Variants in NCMAP observed in about 807,000 individuals in gnomAD.
NCMAP encodes the protein noncompact myelin-associated protein.
A neutral mutation model predicts 7.8 loss-of-function variants in NCMAP; 8 were observed. The observed-to-expected ratio is 1.02, with a 90% CI of 0.60 to 1.84. The LOEUF is 1.84. NCMAP is among the 40% of genes most tolerant of loss of function. The probability of loss-of-function intolerance (pLI) is 0.00; values close to 1 mark genes in which losing one functional copy is unlikely to be tolerated. For synonymous variants in NCMAP, 41 were observed against 52.9 expected (o/e 0.78, Z 0.98); for missense variants, 112 against 131.4 (o/e 0.85, Z 0.72).
intron 2 of NCMAP, among the ~76,000 whole-genome samples, chr1:24,596,908 C>A (rs1652249839): frequency 6.6e-6 from 1 of 151,998 alleles, no homozygotes; most frequent in Non-Finnish European, 1.5e-5. Flanking sequence ...TGTGTGTCAG[C>A]CATTTCAGCT....
intron 1 of NCMAP, among the ~76,000 whole-genome samples, chr1:24,558,776 G>A (rs1557590534): frequency 6.6e-6 from 1 of 152,168 alleles, no homozygotes; most frequent in Non-Finnish European, 1.5e-5. Context: ...TAGAGTTGGG[G>A]AAGACCATTT....
At chr1:24,577,415 T>TTTTTTG (rs1651613411) in intron 1 of NCMAP, among the ~76,000 whole-genome samples, 5 of 145,710 alleles carry the variant, frequency 3.4e-5, no homozygotes, top group African/African-American at 1.3e-4. Context: ...TTTTTTTTTT[T>TTTTTTG]TTTTTTTTTT....
chr1:24,569,666 C>T (rs963921872), intron 1 of NCMAP, among the ~76,000 whole-genome samples: 3 of 150,650 alleles, frequency 2.0e-5, no homozygotes, highest in Admixed American at 6.6e-5. Flanking sequence ...GCCTCAGTTT[C>T]TCTACCTGTA....
intron 1 of NCMAP, among the ~76,000 whole-genome samples, chr1:24,565,742 T>G (rs1651211116): frequency 6.6e-6 from 1 of 151,740 alleles, no homozygotes; most frequent in Admixed American, 6.6e-5. Flanking sequence ...AGACTACAGG[T>G]GCACACCATC....
chr1:24,582,834 A>G (rs754817067), intron 1 of NCMAP, among the ~76,000 whole-genome samples: 5 of 152,246 alleles, frequency 3.3e-5, no homozygotes, highest in Non-Finnish European at 4.4e-5. Context: ...TTTGCCATGT[A>G]TCAGCACAGA....
chr1:24,565,615 T>TGTGTGTGTGTGTGTGTGTGTG (rs1651207604), intron 1 of NCMAP, among the ~76,000 whole-genome samples: 1 of 141,154 alleles, frequency 7.1e-6, no homozygotes, highest in African/African-American at 2.6e-5. Flanking sequence ...TGTGTGTGTG[T>TGTGTGTGTGTGTGTGTGTGTG]TTTGAGACAG....
chr1:24,566,120 C>A (rs1004253276), intron 1 of NCMAP, among the ~76,000 whole-genome samples: 7 of 152,208 alleles, frequency 4.6e-5, no homozygotes, highest in African/African-American at 7.2e-5. Context: ...GTCAGTTAAA[C>A]CTCTTTCCTT....
At chr1:24,589,197 A>T (rs1308668771) in intron 1 of NCMAP, among the ~76,000 whole-genome samples, 1 of 152,046 alleles carries the variant, frequency 6.6e-6, no homozygotes, top group East Asian at 1.9e-4. Flanking sequence ...GCGCATTATT[A>T]TTATTATTAA....
intron 1 of NCMAP, among the ~76,000 whole-genome samples, chr1:24,556,474 G>GGAA (rs1650899675): frequency 6.6e-6 from 1 of 152,212 alleles, no homozygotes; most frequent in Non-Finnish European, 1.5e-5. Flanking sequence ...GAGGCTCGCT[G>GGAA]GAAGAAAAGG....
rs555206844 is a variant in NCMAP at position 24,607,640 on chromosome 1, G to A, written c.*1893G>A. 5.9e-5 allele frequency: 9 copies of A among 152,310 alleles called. No individual in the cohort carries two copies. Among genetic ancestry groups the A allele is most frequent in the East Asian group, 1.9e-4 (1 of 5,186 alleles). 9.4% of individuals were successfully genotyped at this position (152,310 alleles called of 1,614,324 possible). On this transcript the variant is annotated 3_prime_UTR_variant, in exon 4 of 4. Transcript: ENST00000374392. Reference sequence around the variant, plus strand: ...AGCACTTTGGGAGGCTGAGGCAGGCGGGTCACTTGAGGTCAGGAGTTTGAG... The same window carrying A: ...AGCACTTTGGGAGGCTGAGGCAGGCAGGTCACTTGAGGTCAGGAGTTTGAG...
rs183725845 is a variant in NCMAP, at chr1:24,576,339, C to T, written c.-7-19085C>T. Among the ~76,000 whole-genome samples, 8 of 152,210 alleles carry T rather than the reference C, an allele frequency of 5.3e-5. No individual in the cohort carries two copies. Among genetic ancestry groups the T allele is most frequent in the East Asian group, 1.9e-4 (1 of 5,192 alleles). The stretch of plus-strand genomic sequence containing the variant: ...TGACACCGCAGGTCCCCCAGACAAA[C>T]GCCCCTCTGTATCTTTGGGCCTATT... On this transcript the variant is annotated intron_variant, in intron 1 of 3. Coordinates refer to ENST00000374392, the MANE Select transcript of NCMAP (RefSeq NM_001010980.5). This position sits in a 1 kb window ranked among gnomAD's most constrained non-coding sequence, Gnocchi z 4.0.
At chr1:24,567,898 A>G (rs1421670249) in intron 1 of NCMAP, among the ~76,000 whole-genome samples, 1 of 152,012 alleles carries the variant, frequency 6.6e-6, no homozygotes, top group Non-Finnish European at 1.5e-5. Context: ...CGGGGGCTGA[A>G]GTGTAAAGGG....
chr1:24,577,406 T>TTTTTTTTTTTTTTTTTTTTTTTTTTTTTG (rs1651609495), intron 1 of NCMAP, among the ~76,000 whole-genome samples: 3 of 133,898 alleles, frequency 2.2e-5, no homozygotes, highest in African/African-American at 1.0e-4. Flanking sequence ...GCCTTGTTTT[T>TTTTTTTTTTTTTTTTTTTTTTTTTTTTTG]TTTTTTTTTT....
intron 1 of NCMAP, among the ~76,000 whole-genome samples, chr1:24,560,573 T>G (rs1277020285): frequency 1.3e-5 from 2 of 152,106 alleles, no homozygotes; most frequent in Non-Finnish European, 2.9e-5. Flanking sequence ...AGGGAGACCC[T>G]GTCTCTACAA....
At chr1:24,597,617 G>GAAAGAAAGAGAA (rs1322815675) in intron 2 of NCMAP, among the ~76,000 whole-genome samples, 1 of 87,484 alleles carries the variant, frequency 1.1e-5, no homozygotes, top group African/African-American at 4.7e-5. Context: ...AAGAAAGAAA[G>GAAAGAAAGAGAA]AGAAAGAAAG....
At chr1:24,591,275 C>CT (rs1570533066) in intron 1 of NCMAP, among the ~76,000 whole-genome samples, 2 of 151,870 alleles carry the variant, frequency 1.3e-5, no homozygotes, top group African/African-American at 4.8e-5. Flanking sequence ...TGGGCTGTGT[C>CT]TTTTTTTTGA....
intron 1 of NCMAP, among the ~76,000 whole-genome samples, chr1:24,588,666 G>A (rs1170030005): frequency 6.6e-6 from 1 of 152,216 alleles, no homozygotes; most frequent in African/African-American, 2.4e-5. Flanking sequence ...GTTATGACCT[G>A]CCATCACTTC....
chr1:24,601,445 AAG>A (rs371782999), intron 3 of NCMAP, among the ~76,000 whole-genome samples: 201 of 152,344 alleles, frequency 1.3e-3, no homozygotes, highest in African/African-American at 4.6e-3. Flanking sequence ...GGGGAAATAA[AAG>A]AATATAATTT....
chr1:24,566,377 C>T (rs1041844760), intron 1 of NCMAP, among the ~76,000 whole-genome samples: 3 of 152,066 alleles, frequency 2.0e-5, no homozygotes, highest in Non-Finnish European at 2.9e-5. Context: ...GGGCAGTGGC[C>T]GGGTCACACT....
Sources: gnomAD v4.1 joint callset for allele counts (sites outside exome capture counted in the v4.1 genomes callset) on GRCh38, gnomAD v4.1.1 for gene constraint, Gnocchi (gnomAD v3.1) non-coding constraint, MANE v1.5 for transcripts, NCBI Gene and HGNC (gene_info 2026-07-23, HGNC 2026-07-21) for gene names.